The following ALDH1L1 variants were observed in gnomAD, a reference collection of about 807,000 sequenced individuals.
The protein encoded by ALDH1L1 is aldehyde dehydrogenase 1 family member L1, also known as cytosolic 10-formyltetrahydrofolate dehydrogenase.
In ALDH1L1, 68 loss-of-function variants were observed where a neutral mutation model predicts 101.1. The ratio of observed to expected loss-of-function variants is 0.67; its 90% confidence interval spans 0.55 to 0.82. ALDH1L1 has a LOEUF of 0.82. ALDH1L1 is among the 40% of genes least tolerant of loss of function. The pLI is 0.00. For missense variants in ALDH1L1, 1,087 were observed against 1,172.7 expected (o/e 0.93, Z 1.07); for synonymous variants, 486 against 470.8 (o/e 1.03, Z -0.42).
intron 8 of ALDH1L1, among the ~76,000 whole-genome samples, chr3:126,147,823 C>G (rs1205474671): frequency 6.6e-6 from 1 of 152,182 alleles, no homozygotes; most frequent in East Asian, 1.9e-4. Context: ...TGTCATGGAT[C>G]TGCCCTTCCC....
intron 18 of ALDH1L1, 41 bp from the exon 19 acceptor site, chr3:126,112,921 T>C (rs767014344): frequency 1.3e-6 from 2 of 1,588,888 alleles, no homozygotes; most frequent in African/African-American, 2.7e-5. Flanking sequence ...CTGCTCCTCC[T>C]GGGACACCAG....
chr3:126,166,096 CA>C, intron 1 of ALDH1L1, among the ~76,000 whole-genome samples: 1 of 152,142 alleles, frequency 6.6e-6, no homozygotes, highest in African/African-American at 2.4e-5. Context: ...AGCTGTATCT[CA>C]GAGATTCTGG....
chr3:126,163,998 G>A (rs1023136518), intron 1 of ALDH1L1, among the ~76,000 whole-genome samples: 1 of 152,068 alleles, frequency 6.6e-6, no homozygotes, highest in Non-Finnish European at 1.5e-5. Flanking sequence ...GGACATGGTA[G>A]TACGTGCCTG....
At chr3:126,183,084 G>T (rs1367783488), upstream of ALDH1L1, among the ~76,000 whole-genome samples, 1 of 152,234 alleles carries the variant, frequency 6.6e-6, no homozygotes, top group Non-Finnish European at 1.5e-5. Context: ...ATGGCCTAAA[G>T]ATGAAGCCAA....
In ALDH1L1 at chr3:126,153,542, G is replaced by C. The variant is rs866787625; in HGVS notation, c.760C>G (p.Leu254Val). Reference protein sequence around the residue: ...FFNSTLNTSGLVPEGDALPIP... With the variant: ...FFNSTLNTSGVVPEGDALPIP... ...GGCAAAGCGTCTCCCTCGGGCACCAGGCCTGAAGTGTTCAGCGTTGAGTTG... is the reference window on the plus strand; with the variant it reads ...GGCAAAGCGTCTCCCTCGGGCACCACGCCTGAAGTGTTCAGCGTTGAGTTG... The change falls in exon 7 of 23, where the codon CTG becomes GTG. Residue 254 changes from leucine to valine, a missense_variant. Physicochemically the swap from Leu to Val is conservative, Grantham distance 32. Around this residue, in one of 2 missense-constraint regions of ALDH1L1, gnomAD observed 645 missense variants for 637.0 expected, o/e 1.01. Coordinates refer to ENST00000393434, the MANE Select transcript of ALDH1L1 (RefSeq NM_012190.4). 7.4e-6 allele frequency: 12 copies of C among 1,614,062 alleles called. No individual in the cohort carries two copies. The Middle Eastern group carries it at 6.6e-4, about 88-fold the overall frequency.
intron 13 of ALDH1L1, among the ~76,000 whole-genome samples, chr3:126,130,599 A>G (rs964300706): frequency 6.6e-6 from 1 of 152,204 alleles, no homozygotes; most frequent in Non-Finnish European, 1.5e-5. Context: ...CACAGCTCTA[A>G]GCAGTTGAGC....
Position 126,105,752 on chromosome 3 carries a change from T to A in ALDH1L1, c.2627A>T (p.Lys876Ile). The change falls in exon 22 of 23, where the codon AAA (lysine) becomes ATA (isoleucine). Residue 876 changes from lysine to isoleucine, a missense_variant. Physicochemically the swap from Lys to Ile is moderately radical, Grantham distance 102. Around this residue, in one of 2 missense-constraint regions of ALDH1L1, gnomAD observed 442 missense variants for 535.7 expected, o/e 0.83. Transcript: ENST00000393434. ...TDVAAPFGGF[K>I]QSGFGKDLGE... is the part of the protein sequence containing the mutation. ...TAGATCTTTGCCAAATCCAGACTGT[T>A]TGAATCCTCCGAAGGGAGCGGCCAC... 1 of 1,614,176 alleles carries A rather than the reference T, an allele frequency of 6.2e-7. No homozygotes were observed. The highest frequency in any genetic ancestry group is 8.5e-7 in the Non-Finnish European group (1 of 1,180,036).
intron 1 of ALDH1L1, among the ~76,000 whole-genome samples, chr3:126,177,236 A>C (rs1391820910): frequency 6.6e-6 from 1 of 152,254 alleles, no homozygotes; most frequent in Non-Finnish European, 1.5e-5. Context: ...TAATGTCCAC[A>C]CAAAAACCTG....
chr3:126,125,698 C>G lies in ALDH1L1; in HGVS notation c.1718G>C (p.Trp573Ser), dbSNP rs750107771. 1.3e-6 allele frequency: 2 copies of G among 1,584,180 alleles called. No individual in the cohort carries two copies. Among genetic ancestry groups the G allele is most frequent in the South Asian group, 2.3e-5 (2 of 86,748 alleles). Reference protein sequence around the residue: ...PVGVCGIIIPWNYPLMMLSWK... With the variant: ...PVGVCGIIIPSNYPLMMLSWK... ...GGACAGCATCATCAGGGGATAGTTC[C>G]AGGGGATGATGATGCCACAAACCCT... The change falls in exon 15 of 23, where the codon TGG becomes TCG. Residue 573 changes from tryptophan to serine, a missense_variant. By Grantham distance (177) the Trp-to-Ser change is radical. Transcript: ENST00000393434.
chr3:126,132,745 C>G (rs943307300), intron 12 of ALDH1L1, among the ~76,000 whole-genome samples: 2 of 152,166 alleles, frequency 1.3e-5, no homozygotes, highest in African/African-American at 2.4e-5. Context: ...TTTCTTCACT[C>G]CCCCACCACT....
intron 12 of ALDH1L1, chr3:126,135,075 T>C (rs1487347110): frequency 6.6e-6 from 1 of 151,002 alleles, no homozygotes; most frequent in African/African-American, 2.5e-5. Context: ...TTTTTTTTAA[T>C]AGAAAATGTG....
chr3:126,133,491 T>A (rs988172651), intron 12 of ALDH1L1, among the ~76,000 whole-genome samples: 1 of 152,214 alleles, frequency 6.6e-6, no homozygotes, highest in Non-Finnish European at 1.5e-5. Context: ...TCCCCCACAT[T>A]TCTAGATAAT....
rs1028963699 is a variant in ALDH1L1 at position 126,152,911 on chromosome 3, T to C, written c.858+533A>G. On this transcript the variant is annotated intron_variant, in intron 7 of 22. Coordinates refer to ENST00000393434, the MANE Select transcript of ALDH1L1 (RefSeq NM_012190.4). ...CAGATTAAATTTAACGCATATACAT[T>C]GTTCTGGTATAAAAGGTGCTCCATC... 9.7e-5 allele frequency: 21 copies of C among 215,468 alleles called. 1 individual carries two copies. The Admixed American group carries it at 1.0e-3, about 11-fold the overall frequency. 13.3% of individuals were successfully genotyped at this position (215,468 alleles called of 1,614,324 possible). A position where few individuals can be genotyped will look rare whatever the true frequency, so the allele number is the denominator to read the frequency against.
chr3:126,168,534 A>G (rs185611458), intron 1 of ALDH1L1, among the ~76,000 whole-genome samples: 50 of 152,266 alleles, frequency 3.3e-4, no homozygotes, highest in African/African-American at 1.2e-3. Flanking sequence ...ATTTTAGCAA[A>G]ACAAAACAAA....
At chr3:126,171,764 C>T (rs993040013) in intron 1 of ALDH1L1, among the ~76,000 whole-genome samples, 1 of 152,196 alleles carries the variant, frequency 6.6e-6, no homozygotes, top group African/African-American at 2.4e-5. Context: ...AATCCAGCCC[C>T]TCTAGCCTTT....
chr3:126,160,946 C>A lies in ALDH1L1; in HGVS notation c.34G>T (p.Gly12Cys), dbSNP rs748039619. ...CTCAGGTGGCAGTAAACTTCCTGGC[C>A]AAACAGGCTCTGTCCAATCACTGCA... is the stretch of plus-strand genomic sequence containing the variant. ...KIAVIGQSLF[G>C]QEVYCHLRKE... Residue 12 changes from glycine to cysteine, a missense_variant, in exon 2 of 23, where the codon GGC becomes TGC. Physicochemically the swap from Gly to Cys is radical, Grantham distance 159. Around this residue, in one of 2 missense-constraint regions of ALDH1L1, gnomAD observed 645 missense variants for 637.0 expected, o/e 1.01. Transcript: ENST00000393434. 1.9e-6 allele frequency: 3 copies of A among 1,614,274 alleles called. No homozygotes were observed. The highest frequency in any genetic ancestry group is 2.5e-6 in the Non-Finnish European group (3 of 1,180,044).
chr3:126,161,393 G>T (rs1325509277), intron 1 of ALDH1L1, among the ~76,000 whole-genome samples: 1 of 152,238 alleles, frequency 6.6e-6, no homozygotes, highest in Non-Finnish European at 1.5e-5. Context: ...TCATGAGAAA[G>T]ATGCCACATC....
At chr3:126,131,274 T>G (rs1211074887) in intron 13 of ALDH1L1, 110 bp downstream of exon 13, 7 of 1,312,278 alleles carry the variant, frequency 5.3e-6, no homozygotes, top group East Asian at 2.5e-5. Context: ...AAGCCACCAG[T>G]TGTGGTCATT....
intron 11 of ALDH1L1, 85 bp from the exon 12 acceptor site, chr3:126,135,747 G>T: frequency 7.0e-7 from 1 of 1,427,726 alleles, no homozygotes; most frequent in Non-Finnish European, 9.2e-7. Flanking sequence ...CCTCCTCCTG[G>T]GGCCCCAGTG....
Sources: gnomAD v4.1 joint callset for allele counts (sites outside exome capture counted in the v4.1 genomes callset) on GRCh38, gnomAD v4.1.1 for gene constraint, gnomAD v4.1.1 regional missense constraint, MANE v1.5 for transcripts, NCBI Gene and HGNC (gene_info 2026-07-23, HGNC 2026-07-21) for gene names.